Variants in LSM5 observed in about 807,000 individuals in gnomAD.
The protein encoded by LSM5 is U6 snRNA-associated Sm-like protein LSm5.
LSM5 carries 8 observed loss-of-function variants against 13.8 expected under a neutral mutation model. The ratio of observed to expected loss-of-function variants is 0.58; its 90% CI spans 0.34 to 1.04. The LOEUF (loss-of-function observed/expected upper bound fraction) is 1.04, where lower values mean the gene tolerates loss of function less well. Among genes scored for constraint, LSM5 ranks in the 50% least tolerant of loss-of-function variants. The pLI, the probability that LSM5 is intolerant of heterozygous loss-of-function variation, is 0.03. For missense variants in LSM5, 80 were observed against 108.1 expected (o/e 0.74, Z 1.15); for synonymous variants, 35 against 37.0 (o/e 0.95, Z 0.20).
chr7:32,490,176 G>A, intron 1 of LSM5, 144 bp downstream of exon 1: 1 of 1,556,772 alleles, frequency 6.4e-7, no homozygotes, highest in Non-Finnish European at 8.7e-7. Flanking sequence ...GCCTGCTGTC[G>A]CGAAGACTTG....
At chr7:32,494,737 T>C (rs1025678131), upstream of LSM5, among the ~76,000 whole-genome samples, 2 of 152,214 alleles carry the variant, frequency 1.3e-5, no homozygotes, top group African/African-American at 4.8e-5. Flanking sequence ...ATATTTTGTA[T>C]TGACCAGAGT....
chr7:32,487,498 C>A, intron 4 of LSM5, 187 bp downstream of exon 4: 1 of 665,810 alleles, frequency 1.5e-6, no homozygotes, highest in South Asian at 1.7e-5. Context: ...AGCAAACTAA[C>A]CTTTAGACCC....
upstream of LSM5, chr7:32,494,981 G>A: frequency 6.6e-6 from 1 of 152,082 alleles, no homozygotes; most frequent in East Asian, 1.9e-4. Flanking sequence ...TGAATACACA[G>A]ATACGCAACC....
chr7:32,491,258 G>C (rs1482567678), upstream of LSM5, among the ~76,000 whole-genome samples: 1 of 152,100 alleles, frequency 6.6e-6, no homozygotes, highest in African/African-American at 2.4e-5. Flanking sequence ...TTAGCTGGGC[G>C]TGGTGGCGTG....
rs572386928 is a variant in LSM5 at position 32,486,416 on chromosome 7, T to A, written c.*845A>T. 5 of 152,366 alleles carry A rather than the reference T, an allele frequency of 3.3e-5. No individual in the cohort carries two copies. The East Asian group carries it at 7.7e-4, about 23-fold the overall frequency. The allele number at this position is 152,366 out of a possible 1,614,324, so 9.4% of individuals were successfully genotyped here. On this transcript the variant is annotated 3_prime_UTR_variant, in exon 5 of 5. Coordinates refer to ENST00000450169, the MANE Select transcript of LSM5 (RefSeq NM_012322.3). Reference sequence around the variant, plus strand: ...GTCTACGAAGACATACAGCAAAGCATGATCAACCTTCTCCTTTTTGCTTAC... The same window carrying A: ...GTCTACGAAGACATACAGCAAAGCAAGATCAACCTTCTCCTTTTTGCTTAC...
rs1583460516 is a variant in LSM5, at chr7:32,485,593, T to C, written c.*1668A>G. On this transcript the variant is annotated 3_prime_UTR_variant, in exon 5 of 5. Coordinates refer to ENST00000450169, the MANE Select transcript of LSM5 (RefSeq NM_012322.3). ...GGCAAAAGCCTCAACAGATAAGTCA[T>C]TTACAAAATACAAATGAGATCAAAA... is the stretch of plus-strand genomic sequence containing the variant. 1.3e-5 allele frequency: 2 copies of C among 152,230 alleles called. No homozygotes were observed. The highest frequency in any genetic ancestry group is 2.1e-4 in the South Asian group (1 of 4,820). 9.4% of individuals were successfully genotyped at this position (152,230 alleles called of 1,614,324 possible). A position where few individuals can be genotyped will look rare whatever the true frequency, so the allele number is the denominator to read the frequency against.
rs374846735 is a variant in LSM5 at position 32,487,972 on chromosome 7, G to A, written c.171-215C>T. Reference sequence around the variant, plus strand: ...TGAACTCACTGACACTAAGACCCACGTCTATCAGACAGAGCTTCATAAAAA... The same window carrying A: ...TGAACTCACTGACACTAAGACCCACATCTATCAGACAGAGCTTCATAAAAA... On this transcript the variant is annotated intron_variant, in intron 3 of 4. Transcript: ENST00000450169. 1,266 of 477,702 alleles carry A rather than the reference G, an allele frequency of 2.7e-3. 35 individuals are homozygous for A. The South Asian group carries it at 0.029, about 11-fold the overall frequency. The allele number at this position is 477,702 out of a possible 1,614,324, so 29.6% of individuals were successfully genotyped here. A position where few individuals can be genotyped will look rare whatever the true frequency, so the allele number is the denominator to read the frequency against.
chr7:32,493,769 G>C (rs752150624), upstream of LSM5, among the ~76,000 whole-genome samples: 10 of 152,036 alleles, frequency 6.6e-5, no homozygotes, highest in South Asian at 2.1e-4. Context: ...TCCAACTTTT[G>C]GCCTCAAGTG....
At chr7:32,488,088 C>G (rs1786490608) in intron 3 of LSM5, 1 of 307,874 alleles carries the variant, frequency 3.2e-6, no homozygotes, top group South Asian at 3.1e-5. Flanking sequence ...CTCTGTTGCC[C>G]AGGCTGAGTA....
chr7:32,488,722 T>G, intron 2 of LSM5, 70 bp from the exon 3 acceptor site: 1 of 1,037,250 alleles, frequency 9.6e-7, no homozygotes, highest in Non-Finnish European at 1.5e-6. Flanking sequence ...GCTTTTGTTT[T>G]TTGTTTTTGT....
upstream of LSM5, among the ~76,000 whole-genome samples, chr7:32,491,166 C>T (rs1223042264): frequency 6.6e-6 from 1 of 152,128 alleles, no homozygotes; most frequent in East Asian, 1.9e-4. Context: ...AAGGCCGAGG[C>T]GGGCGGATCA....
In LSM5 at chr7:32,485,521, C is replaced by A. The variant is rs1786417086; in HGVS notation, c.*1740G>T. ...GCAAAATACATGACTAACAGAAACCCATCAAGAATTCTTACAAATTAGTAA... is the reference window on the plus strand; with the variant it reads ...GCAAAATACATGACTAACAGAAACCAATCAAGAATTCTTACAAATTAGTAA... On this transcript the variant is annotated 3_prime_UTR_variant, in exon 5 of 5. Coordinates refer to ENST00000450169, the MANE Select transcript of LSM5 (RefSeq NM_012322.3). The A allele has an allele frequency of 6.6e-6, 1 of 152,110 alleles. No homozygotes were observed. Among genetic ancestry groups the A allele is most frequent in the Non-Finnish European group, 1.5e-5 (1 of 68,022 alleles). 9.4% of individuals were successfully genotyped at this position (152,110 alleles called of 1,614,324 possible). A position where few individuals can be genotyped will look rare whatever the true frequency, so the allele number is the denominator to read the frequency against.
chr7:32,489,478 T>C, intron 1 of LSM5, 134 bp from the exon 2 acceptor site: 1 of 626,868 alleles, frequency 1.6e-6, no homozygotes, highest in Non-Finnish European at 2.8e-6. Flanking sequence ...GGTCTTATAA[T>C]ACAAATCTCA....
At chr7:32,491,397 C>CA (rs11393390), upstream of LSM5, among the ~76,000 whole-genome samples, 80,549 of 97,752 alleles carry the variant, frequency 0.82, 33,367 homozygotes, top group Non-Finnish European at 0.89. Flanking sequence ...AACTCCATCT[C>CA]AAAAAAAAAA....
rs149999278 is a variant in LSM5, at chr7:32,489,975, C to T, written c.46+345G>A. 168 of 1,210,404 alleles carry T rather than the reference C, an allele frequency of 1.4e-4. No homozygotes were observed. In the African/African-American group the frequency reaches 2.5e-3, roughly 18 times the overall value. 75.0% of individuals were successfully genotyped at this position (1,210,404 alleles called of 1,614,324 possible). The stretch of plus-strand genomic sequence containing the variant: ...TAACCAACCACATACATAACATGGT[C>T]TATCTAATCTGGGGATCGTAAACGC... On this transcript the variant is annotated intron_variant, in intron 1 of 4. Coordinates refer to ENST00000450169, the MANE Select transcript of LSM5 (RefSeq NM_012322.3).
rs1462955060 is a variant in LSM5, at chr7:32,488,620, C to T, written c.170+5G>A. On this transcript the variant is annotated splice_donor_5th_base_variant and intron_variant, in intron 3 of 4. Transcript: ENST00000450169. Reference sequence around the variant, plus strand: ...GATTCCCCCCAATTCTTTAACACTACTCACAACTCAGTGACATCTTCCAGT... The same window carrying T: ...GATTCCCCCCAATTCTTTAACACTATTCACAACTCAGTGACATCTTCCAGT... 1.3e-6 allele frequency: 2 copies of T among 1,593,518 alleles called. No homozygotes were observed. The highest frequency in any genetic ancestry group is 2.2e-5 in the East Asian group (1 of 44,666).
chr7:32,487,602 A>T (rs1419844289), intron 4 of LSM5, 83 bp downstream of exon 4: 2 of 797,264 alleles, frequency 2.5e-6, no homozygotes, highest in East Asian at 4.9e-5. Flanking sequence ...TTAGTCAAGC[A>T]AGCAACATTA....
In LSM5 at chr7:32,485,727, TG is replaced by T. The variant is rs1217482979; in HGVS notation, c.*1533del. 1 of 152,136 alleles carries T rather than the reference TG, an allele frequency of 6.6e-6. No individual in the cohort carries two copies. Among genetic ancestry groups the T allele is most frequent in the African/African-American group, 2.4e-5 (1 of 41,408 alleles). The allele number at this position is 152,136 out of a possible 1,614,324, so 9.4% of individuals were successfully genotyped here. ...AGAGGTCAGGAGTTCAAGACCAGCC[TG>T]GCCAACAAGGTAAAACCCCATCTCT... is the stretch of plus-strand genomic sequence containing the variant. On this transcript the variant is annotated 3_prime_UTR_variant, in exon 5 of 5. Transcript: ENST00000450169.
chr7:32,494,589 T>C (rs909048066), upstream of LSM5, among the ~76,000 whole-genome samples: 4 of 152,350 alleles, frequency 2.6e-5, no homozygotes, highest in Non-Finnish European at 2.9e-5. Flanking sequence ...CTTTAGGTTA[T>C]TTGAAAACTG....
Sources: allele counts gnomAD v4.1 joint callset (sites outside exome capture counted in the v4.1 genomes callset), GRCh38; gene constraint gnomAD v4.1.1; transcripts MANE v1.5; gene names NCBI Gene and HGNC (gene_info 2026-07-23, HGNC 2026-07-21).